Variants in OTOGL observed in about 807,000 individuals in gnomAD.
OTOGL encodes otogelin like.
A neutral mutation model predicts 318.5 loss-of-function variants in OTOGL; 285 were observed. The ratio of observed to expected loss-of-function variants is 0.89; its 90% CI spans 0.81 to 0.99. OTOGL has a LOEUF of 0.99. Ranked by LOEUF, OTOGL falls within the 50% of genes least tolerant of loss-of-function variation. OTOGL has a pLI of 0.00. For missense variants in OTOGL, 2,899 were observed against 2,845.6 expected (o/e 1.02, Z -0.43); for synonymous variants, 987 against 936.5 (o/e 1.05, Z -0.99).
chr12:80,146,033 T>A (rs1007572976), intron 1 of OTOGL, among the ~76,000 whole-genome samples: 2 of 151,274 alleles, frequency 1.3e-5, no homozygotes, highest in Middle Eastern at 3.4e-3. Flanking sequence ...TCTTTTCCTA[T>A]TTGAATACCC....
intron 1 of OTOGL, chr12:80,131,822 G>A (rs1871258425): frequency 6.6e-6 from 1 of 152,186 alleles, no homozygotes; most frequent in Non-Finnish European, 1.5e-5. Flanking sequence ...ATTGGCTAGA[G>A]AAGTTTAGTA....
intron 1 of OTOGL, among the ~76,000 whole-genome samples, chr12:80,193,447 T>C (rs1190355325): frequency 6.6e-6 from 1 of 152,082 alleles, no homozygotes; most frequent in East Asian, 1.9e-4. Flanking sequence ...ACCTGGGAGT[T>C]GGAGGTTGCA....
At chr12:80,225,456 C>T (rs181114054) in intron 7 of OTOGL, among the ~76,000 whole-genome samples, 216 of 152,174 alleles carry the variant, frequency 1.4e-3, no homozygotes, top group African/African-American at 5.0e-3. Flanking sequence ...ATAAATACAT[C>T]AATTTACTTG....
intron 1 of OTOGL, among the ~76,000 whole-genome samples, chr12:80,123,611 C>T (rs376525174): frequency 6.6e-6 from 1 of 151,972 alleles, no homozygotes; most frequent in Admixed American, 6.6e-5. Context: ...AGGAATCGCC[C>T]CACTGACTTC....
chr12:80,367,359 T>C (rs1890605934), intron 53 of OTOGL, among the ~76,000 whole-genome samples: 1 of 152,062 alleles, frequency 6.6e-6, no homozygotes, highest in African/African-American at 2.4e-5. Flanking sequence ...TATAGATGAA[T>C]TTTTATTTTA....
At position 80,310,720 on chromosome 12, in the gene OTOGL, G is replaced by A. The variant is rs377711728; in HGVS notation, c.3443G>A (p.Arg1148His). 29 of 1,556,442 alleles carry A rather than the reference G, an allele frequency of 1.9e-5. No individual in the cohort carries two copies. The highest frequency in any genetic ancestry group is 1.3e-4 in the South Asian group (12 of 90,082). Residue 1148 changes from arginine to histidine, a missense_variant, in exon 30 of 59, where the codon CGC becomes CAC. By Grantham distance (29) the Arg-to-His change is conservative. This residue lies in a region of OTOGL where 2,607 missense variants were observed against 2,524.9 expected (regional missense o/e 1.03). Coordinates refer to ENST00000547103, the MANE Select transcript of OTOGL (RefSeq NM_001378609.3). Reference protein sequence around the residue: ...ILYSDIFASCRNVIDVTSFAK... With the variant: ...ILYSDIFASCHNVIDVTSFAK... ...TACAGTGATATTTTTGCTTCTTGTC[G>A]CAATGTGGTAAATGAATACTTTAAT...
intron 47 of OTOGL, 84 bp downstream of exon 47, chr12:80,356,032 T>C: frequency 7.1e-7 from 1 of 1,417,240 alleles, no homozygotes; most frequent in Non-Finnish European, 9.7e-7. Flanking sequence ...TATATAATGC[T>C]TTGTATTTTT....
chr12:80,360,264 T>C (rs1370817802), intron 52 of OTOGL, among the ~76,000 whole-genome samples: 1 of 152,138 alleles, frequency 6.6e-6, no homozygotes, highest in Non-Finnish European at 1.5e-5. Flanking sequence ...TTCTTAATTT[T>C]TTTTCCCTTT....
intron 4 of OTOGL, among the ~76,000 whole-genome samples, chr12:80,213,878 C>T (rs1385404324): frequency 6.6e-6 from 1 of 152,188 alleles, no homozygotes; most frequent in Non-Finnish European, 1.5e-5. Context: ...CTTATCCATA[C>T]ATTCACTCTT....
chr12:80,262,334 A>G (rs1486541670), intron 19 of OTOGL, among the ~76,000 whole-genome samples: 1 of 151,616 alleles, frequency 6.6e-6, no homozygotes, highest in Non-Finnish European at 1.5e-5. Flanking sequence ...TTTATTTCAT[A>G]AATTTTCTTA....
intron 1 of OTOGL, among the ~76,000 whole-genome samples, chr12:80,114,302 G>A (rs577694084): frequency 6.6e-6 from 1 of 152,196 alleles, no homozygotes; most frequent in African/African-American, 2.4e-5. Flanking sequence ...TTGTTAGGCA[G>A]GTCTGGTGGT....
Position 80,328,663 on chromosome 12 carries a change from A to T in OTOGL, c.4200-2A>T, listed in dbSNP as rs1301894665. 1 of 1,587,380 alleles carries T rather than the reference A, an allele frequency of 6.3e-7. No homozygotes were observed. Among genetic ancestry groups the T allele is most frequent in the African/African-American group, 1.3e-5 (1 of 74,114 alleles). On this transcript the variant is annotated splice_acceptor_variant, in intron 35 of 58. Transcript: ENST00000547103. LOFTEE classifies it high-confidence loss of function. Reference sequence around the variant, plus strand: ...TTGATTTACTCTTTTTTCCATGTAAAGGGTTGAAGGATGCTTGCCCTACTG... The same window carrying T: ...TTGATTTACTCTTTTTTCCATGTAATGGGTTGAAGGATGCTTGCCCTACTG...
chr12:80,320,245 CT>C (rs913031386), intron 33 of OTOGL, among the ~76,000 whole-genome samples, 176 bp from the exon 34 acceptor site: 27 of 148,492 alleles, frequency 1.8e-4, no homozygotes, highest in East Asian at 5.9e-4. Context: ...TAAAGTACTA[CT>C]TTTTTTTTTC....
Position 80,305,648 on chromosome 12 carries a change from G to A in OTOGL, c.3286G>A (p.Glu1096Lys), listed in dbSNP as rs774330670. ...SNDMTTSNNL[E>K]VRNARVFGDS... ...TGATATGACCACATCTAATAACTTG[G>A]AAGTGAGAAATGCTCGGGTATTTGG... The change falls in exon 29 of 59, where the codon GAA (glutamate) becomes AAA (lysine). Residue 1096 changes from glutamate (E) to lysine (K), a missense_variant. Physicochemically the swap from Glu to Lys is moderately conservative, Grantham distance 56 (BLOSUM62 1). This residue lies in a region of OTOGL where 2,607 missense variants were observed against 2,524.9 expected (regional missense o/e 1.03). Transcript: ENST00000547103. 4 of 1,583,640 alleles carry A rather than the reference G, an allele frequency of 2.5e-6. No individual in the cohort carries two copies. Among genetic ancestry groups the A allele is most frequent in the Non-Finnish European group, 3.4e-6 (4 of 1,173,794 alleles).
intron 1 of OTOGL, among the ~76,000 whole-genome samples, chr12:80,101,108 C>A (rs1375117510): frequency 6.6e-6 from 1 of 152,128 alleles, no homozygotes; most frequent in East Asian, 1.9e-4. Flanking sequence ...AAAAAGTGAG[C>A]TTCTGTTGCT....
Position 80,356,837 on chromosome 12 carries a change from C to T in OTOGL, c.5942C>T (p.Ser1981Leu). ...GACCCATTGAAATGCCCCAGTATTT[C>T]AACACCAGAATGCAGAGAAGATCAA... ...ECDPLKCPSI[S>L]TPECREDQFM... The change falls in exon 49 of 59, where the codon TCA (serine) becomes TTA (leucine). Residue 1981 changes from serine (S) to leucine (L), a missense_variant. Transcript: ENST00000547103. The T allele has an allele frequency of 6.3e-7, 1 of 1,593,892 alleles. No individual in the cohort carries two copies. Among genetic ancestry groups the T allele is most frequent in the Non-Finnish European group, 8.5e-7 (1 of 1,170,714 alleles).
At chr12:80,204,066 T>G (rs559969567) in intron 1 of OTOGL, among the ~76,000 whole-genome samples, 22 of 152,290 alleles carry the variant, frequency 1.4e-4, no homozygotes, top group Middle Eastern at 6.8e-3. Flanking sequence ...CAATTTTGCA[T>G]GTAACTCAGT....
At chr12:80,292,329 C>T (rs1361674129) in intron 26 of OTOGL, among the ~76,000 whole-genome samples, 2 of 152,154 alleles carry the variant, frequency 1.3e-5, no homozygotes, top group Non-Finnish European at 2.9e-5. Context: ...GTAAAGAAGC[C>T]CAATGTTTCA....
chr12:80,151,171 A>T (rs1039291335), intron 1 of OTOGL, among the ~76,000 whole-genome samples: 1 of 152,192 alleles, frequency 6.6e-6, no homozygotes, highest in Non-Finnish European at 1.5e-5. Flanking sequence ...CTAATTGAAT[A>T]AGCCATCCTA....
Sources: allele counts gnomAD v4.1 joint callset (sites outside exome capture counted in the v4.1 genomes callset), GRCh38; gene constraint gnomAD v4.1.1; regional missense constraint gnomAD v4.1.1; transcripts MANE v1.5; gene names NCBI Gene and HGNC (gene_info 2026-07-23, HGNC 2026-07-21).